FARS2: variants seen among roughly 807,000 people sequenced by gnomAD.
FARS2 encodes phenylalanine--tRNA ligase, mitochondrial.
In FARS2, 40 loss-of-function variants were observed where a neutral mutation model predicts 46.4. The observed-to-expected ratio is 0.86, with a 90% confidence interval of 0.67 to 1.12. FARS2 has a LOEUF of 1.12. Ranked by LOEUF, FARS2 falls within the 50% of genes most tolerant of loss-of-function variation. The probability of loss-of-function intolerance (pLI) is 0.00; values close to 1 mark genes in which losing one functional copy is unlikely to be tolerated. For synonymous variants in FARS2, 234 were observed against 214.9 expected (o/e 1.09, Z -0.78); for missense variants, 513 against 567.9 (o/e 0.90, Z 0.98).
At chr6:5,402,233 T>C (rs201224196) in intron 2 of FARS2, among the ~76,000 whole-genome samples, 2 of 150,290 alleles carry the variant, frequency 1.3e-5, no homozygotes, top group African/African-American at 4.9e-5. Context: ...CTTTTTTTTT[T>C]CTGAGTTAAA....
chr6:5,393,625 C>G (rs1760718294), intron 2 of FARS2, among the ~76,000 whole-genome samples: 1 of 151,422 alleles, frequency 6.6e-6, no homozygotes, highest in South Asian at 2.1e-4. Context: ...CCATTGCACT[C>G]CAGCCTGGTG....
intron 4 of FARS2, chr6:5,456,970 C>T (rs1213024499): frequency 5.3e-5 from 8 of 152,330 alleles, no homozygotes; most frequent in African/African-American, 1.9e-4. Flanking sequence ...TGGTAAGGGT[C>T]TCCCCTGCTG....
At chr6:5,485,895 G>C (rs144971856) in intron 4 of FARS2, among the ~76,000 whole-genome samples, 2,337 of 152,304 alleles carry the variant, frequency 0.015, 32 homozygotes, top group Non-Finnish European at 0.026. Context: ...CATGTGGCTG[G>C]TGCCTACTGA....
intron 5 of FARS2, among the ~76,000 whole-genome samples, chr6:5,601,690 C>T (rs995505583): frequency 6.6e-6 from 1 of 152,094 alleles, no homozygotes; most frequent in Non-Finnish European, 1.5e-5. Flanking sequence ...GTCTCAGTGT[C>T]CTCGTGGACA....
intron 1 of FARS2, among the ~76,000 whole-genome samples, chr6:5,316,781 A>G (rs1050708748): frequency 2.0e-5 from 3 of 152,208 alleles, no homozygotes; most frequent in African/African-American, 4.8e-5. Flanking sequence ...GAAAGTAACC[A>G]TTTTGAAATA....
intron 6 of FARS2, among the ~76,000 whole-genome samples, chr6:5,702,993 T>A (rs1318153142): frequency 6.6e-6 from 1 of 152,234 alleles, no homozygotes; most frequent in African/African-American, 2.4e-5. Flanking sequence ...TTTGTGGATA[T>A]CGGCTTTTCA....
chr6:5,632,060 T>C (rs1230001216), intron 6 of FARS2, among the ~76,000 whole-genome samples: 1 of 152,246 alleles, frequency 6.6e-6, no homozygotes. Flanking sequence ...TTTCAAACTT[T>C]GTATTTGTTT....
chr6:5,700,584 G>A (rs1758367419), intron 6 of FARS2, among the ~76,000 whole-genome samples: 1 of 152,088 alleles, frequency 6.6e-6, no homozygotes, highest in Non-Finnish European at 1.5e-5. Flanking sequence ...TTTTAGTAGA[G>A]ACGGGGTTTC....
At chr6:5,590,289 A>C (rs1256015006) in intron 5 of FARS2, among the ~76,000 whole-genome samples, 2 of 152,208 alleles carry the variant, frequency 1.3e-5, no homozygotes, top group African/African-American at 4.8e-5. Context: ...CATGCACCGT[A>C]TGTGTCCAAG....
At chr6:5,404,433 C>T (rs1761434907) in intron 2 of FARS2, 109 bp from the exon 3 acceptor site, 1 of 640,280 alleles carries the variant, frequency 1.6e-6, no homozygotes, top group Non-Finnish European at 2.5e-6. Flanking sequence ...AGTCTTATTC[C>T]CACATTATAA....
chr6:5,371,680 C>A (rs1263008950), intron 2 of FARS2, among the ~76,000 whole-genome samples: 1 of 151,956 alleles, frequency 6.6e-6, no homozygotes, highest in Non-Finnish European at 1.5e-5. Flanking sequence ...TAACTTCAGA[C>A]TTTGTTGGAA....
chr6:5,699,719 G>A (rs1251676021), intron 6 of FARS2, among the ~76,000 whole-genome samples: 1 of 152,140 alleles, frequency 6.6e-6, no homozygotes, highest in Non-Finnish European at 1.5e-5. Context: ...ATGCTGGCCA[G>A]GCTGGTCGAG....
intron 6 of FARS2, among the ~76,000 whole-genome samples, chr6:5,667,642 A>G (rs142766098): frequency 2.0e-5 from 3 of 152,340 alleles, no homozygotes; most frequent in East Asian, 3.9e-4. Context: ...GAAAATCACT[A>G]TCAGTACCAA....
At chr6:5,302,161 T>A (rs1038752477) in intron 1 of FARS2, among the ~76,000 whole-genome samples, 2 of 152,232 alleles carry the variant, frequency 1.3e-5, no homozygotes, top group African/African-American at 4.8e-5. Flanking sequence ...CTAAGTTTGG[T>A]CCTAGGAACA....
intron 4 of FARS2, among the ~76,000 whole-genome samples, chr6:5,446,053 A>T (rs1582128895): frequency 6.6e-6 from 1 of 152,142 alleles, no homozygotes; most frequent in East Asian, 1.9e-4. Flanking sequence ...ATACAAAAAA[A>T]TTAGCCGGGC....
rs780467389 is a variant in FARS2, at chr6:5,368,754, G to A, written c.184G>A (p.Asp62Asn). ...ELLGKSYPQD[D>N]HSNLTRKVLT... is the part of the protein sequence containing the mutation. ...GCTGGGCAAATCCTACCCTCAGGAC[G>A]ACCACAGCAACCTCACCCGGAAGGT... The change falls in exon 2 of 7, where the codon GAC becomes AAC. Residue 62 changes from aspartate (D) to asparagine (N), a missense_variant. By Grantham distance (23) the Asp-to-Asn change is conservative. Coordinates refer to ENST00000274680, the MANE Select transcript of FARS2 (RefSeq NM_006567.5). 9.9e-6 allele frequency: 16 copies of A among 1,613,996 alleles called. No individual in the cohort carries two copies. Among genetic ancestry groups the A allele is most frequent in the Non-Finnish European group, 1.3e-5 (15 of 1,180,038 alleles).
chr6:5,689,913 T>G (rs1018261408), intron 6 of FARS2, among the ~76,000 whole-genome samples: 1 of 152,192 alleles, frequency 6.6e-6, no homozygotes, highest in Non-Finnish European at 1.5e-5. Context: ...TTTAGGATAG[T>G]TAGCTCTTCT....
chr6:5,427,958 G>A (rs566426277), intron 3 of FARS2, among the ~76,000 whole-genome samples: 1 of 152,162 alleles, frequency 6.6e-6, no homozygotes, highest in Non-Finnish European at 1.5e-5. Context: ...TTCAGTGAAG[G>A]AAGGTTCCTG....
At chr6:5,674,366 A>G (rs1319176264) in intron 6 of FARS2, among the ~76,000 whole-genome samples, 1 of 152,088 alleles carries the variant, frequency 6.6e-6, no homozygotes, top group Non-Finnish European at 1.5e-5. Flanking sequence ...ATTCTTAAAA[A>G]GTTAACTTCC....
Sources: allele counts gnomAD v4.1 joint callset (sites outside exome capture counted in the v4.1 genomes callset), GRCh38; gene constraint gnomAD v4.1.1; transcripts MANE v1.5; gene names NCBI Gene and HGNC (gene_info 2026-07-23, HGNC 2026-07-21).